ZRANB3: variants seen among roughly 807,000 people sequenced by gnomAD.
ZRANB3 encodes the protein DNA annealing helicase and endonuclease ZRANB3.
Under a neutral mutation model 133.8 loss-of-function variants are expected in ZRANB3, and 125 were observed. That is an observed-to-expected ratio of 0.93 (90% CI 0.81 to 1.08). The LOEUF is 1.08. Ranked by LOEUF, ZRANB3 falls within the 50% of genes least tolerant of loss-of-function variation. ZRANB3 has a pLI of 0.00. For missense variants in ZRANB3, 1,229 were observed against 1,275.5 expected, an observed-to-expected ratio of 0.96 and a Z score of 0.56; for synonymous variants, 387 against 432.7, an observed-to-expected ratio of 0.89 and a Z score of 1.31.
chr2:135,200,088 A>G lies in ZRANB3; in HGVS notation c.*254T>C. The G allele has an allele frequency of 1.8e-6, 1 of 541,840 alleles. No homozygotes were observed. The highest frequency in any genetic ancestry group is 1.9e-5 in the South Asian group (1 of 54,026). The allele number at this position is 541,840 out of a possible 1,614,324, so 33.6% of individuals were successfully genotyped here. A position where few individuals can be genotyped will look rare whatever the true frequency, so the allele number is the denominator to read the frequency against. On this transcript the variant is annotated 3_prime_UTR_variant, in exon 21 of 21. Transcript: ENST00000264159. ...TATTAGGGGTAAAGAGCTTTACAAA[A>G]CATTGCTGAAACATAATTGCGAGTC... is the stretch of plus-strand genomic sequence containing the variant.
At chr2:135,262,943 G>A (rs1680035105) in intron 12 of ZRANB3, among the ~76,000 whole-genome samples, 1 of 151,746 alleles carries the variant, frequency 6.6e-6, no homozygotes, top group Non-Finnish European at 1.5e-5. Flanking sequence ...GAGACTGGGG[G>A]ATTTTACATA....
intron 8 of ZRANB3, among the ~76,000 whole-genome samples, chr2:135,287,670 C>CTTTTTTTTTTTTTTTT (rs59739293): frequency 2.0e-5 from 2 of 98,052 alleles, no homozygotes; most frequent in East Asian, 3.1e-4. Context: ...TATTTCTTTC[C>CTTTTTTTTTTTTTTTT]TTTTTTTTTT....
At chr2:135,476,256 A>G (rs1341109544) in intron 2 of ZRANB3, among the ~76,000 whole-genome samples, 1 of 152,244 alleles carries the variant, frequency 6.6e-6, no homozygotes, top group African/African-American at 2.4e-5. Context: ...AATATTAGAT[A>G]TATTCAGCAA....
At chr2:135,418,985 T>G (rs569774055) in intron 2 of ZRANB3, among the ~76,000 whole-genome samples, 5 of 133,180 alleles carry the variant, frequency 3.8e-5, no homozygotes, top group African/African-American at 1.4e-4. Flanking sequence ...TCACCCAGGC[T>G]GGAGTGCAGT....
chr2:135,461,972 T>A (rs1216158898), intron 2 of ZRANB3, among the ~76,000 whole-genome samples: 1 of 152,190 alleles, frequency 6.6e-6, no homozygotes, highest in East Asian at 1.9e-4. Context: ...ATTTTAATAA[T>A]AAGTAAATTT....
At chr2:135,285,644 G>A (rs532961549) in intron 8 of ZRANB3, among the ~76,000 whole-genome samples, 3 of 152,350 alleles carry the variant, frequency 2.0e-5, no homozygotes, top group Non-Finnish European at 2.9e-5. Context: ...GTTAAGGCAC[G>A]AAGGAATGCT....
At chr2:135,476,845 T>G (rs1198024044) in intron 2 of ZRANB3, among the ~76,000 whole-genome samples, 2 of 152,142 alleles carry the variant, frequency 1.3e-5, no homozygotes, top group Admixed American at 1.3e-4. Context: ...GTTGGGATTA[T>G]AGGCATGTGC....
At position 135,313,474 on chromosome 2, in the gene ZRANB3, C is replaced by A; in HGVS notation, c.966+15G>T. 1 of 1,530,192 alleles carries A rather than the reference C, an allele frequency of 6.5e-7. No individual in the cohort carries two copies. The highest frequency in any genetic ancestry group is 9.0e-7 in the Non-Finnish European group (1 of 1,109,592). The allele number at this position is 1,530,192 out of a possible 1,614,324, so 94.8% of individuals were successfully genotyped here. ...TTGTATGAAGACAAATACATGATGG[C>A]CCAGCAAAGAGTACCTTGGCAATAG... On this transcript the variant is annotated intron_variant, in intron 8 of 20. Coordinates refer to ENST00000264159, the MANE Select transcript of ZRANB3 (RefSeq NM_032143.4).
intron 9 of ZRANB3, 69 bp from the exon 10 acceptor site, chr2:135,271,956 T>C (rs1680539208): frequency 2.1e-6 from 3 of 1,397,054 alleles, no homozygotes; most frequent in Non-Finnish European, 1.9e-6. Flanking sequence ...TTATATATTT[T>C]ACAGCTTATT....
At chr2:135,246,027 T>TTTTC (rs1277320003) in intron 12 of ZRANB3, among the ~76,000 whole-genome samples, 3 of 140,602 alleles carry the variant, frequency 2.1e-5, no homozygotes, top group African/African-American at 8.0e-5. Context: ...TTTTCTTTTC[T>TTTTC]TTTCTTTCTT....
intron 6 of ZRANB3, among the ~76,000 whole-genome samples, chr2:135,332,739 CT>C (rs1684206280): frequency 6.6e-6 from 1 of 152,152 alleles, no homozygotes; most frequent in Non-Finnish European, 1.5e-5. Flanking sequence ...TTCGAAGGTG[CT>C]TGTTCATTCA....
chr2:135,424,181 A>G (rs190988964), intron 2 of ZRANB3, among the ~76,000 whole-genome samples: 136 of 152,334 alleles, frequency 8.9e-4, no homozygotes, highest in African/African-American at 3.2e-3. Flanking sequence ...CTAGTAAAAT[A>G]AAATATTCAA....
At chr2:135,396,241 G>A (rs1687481195) in intron 2 of ZRANB3, among the ~76,000 whole-genome samples, 1 of 152,166 alleles carries the variant, frequency 6.6e-6, no homozygotes, top group South Asian at 2.1e-4. Flanking sequence ...CCACTATGGG[G>A]AACAATTTGG....
intron 2 of ZRANB3, among the ~76,000 whole-genome samples, chr2:135,463,696 C>A (rs1165231566): frequency 6.6e-6 from 1 of 152,194 alleles, no homozygotes; most frequent in Non-Finnish European, 1.5e-5. Flanking sequence ...GGATTACAGG[C>A]ATGAACCACC....
chr2:135,397,542 TA>T (rs1478120288), intron 2 of ZRANB3, among the ~76,000 whole-genome samples: 1 of 152,178 alleles, frequency 6.6e-6, no homozygotes, highest in Non-Finnish European at 1.5e-5. Flanking sequence ...AGATTTCTAT[TA>T]TAGTTAAAGA....
At chr2:135,419,874 T>G (rs898884620) in intron 2 of ZRANB3, among the ~76,000 whole-genome samples, 5 of 151,846 alleles carry the variant, frequency 3.3e-5, no homozygotes, top group African/African-American at 1.2e-4. Flanking sequence ...TATCAGGCAT[T>G]TGTGTCTAAG....
chr2:135,438,954 T>C (rs1279829923), intron 2 of ZRANB3, among the ~76,000 whole-genome samples: 2 of 152,140 alleles, frequency 1.3e-5, no homozygotes, highest in African/African-American at 4.8e-5. Flanking sequence ...CTGAGTCAGA[T>C]AAAAAAGGAG....
intron 3 of ZRANB3, among the ~76,000 whole-genome samples, chr2:135,377,011 G>A (rs1454956521): frequency 6.6e-6 from 1 of 152,164 alleles, no homozygotes; most frequent in African/African-American, 2.4e-5. Context: ...AAGTCAAAAG[G>A]AACTGTACAT....
At chr2:135,420,475 T>TA (rs1688794104) in intron 2 of ZRANB3, among the ~76,000 whole-genome samples, 1 of 152,032 alleles carries the variant, frequency 6.6e-6, no homozygotes, top group Non-Finnish European at 1.5e-5. Flanking sequence ...AAATTAATGT[T>TA]AATTAAGCTA....
Sources: allele counts gnomAD v4.1 joint callset (sites outside exome capture counted in the v4.1 genomes callset), GRCh38; gene constraint gnomAD v4.1.1; transcripts MANE v1.5; gene names NCBI Gene and HGNC (gene_info 2026-07-23, HGNC 2026-07-21).